The following MGA variants were observed in gnomAD, a reference collection of about 807,000 sequenced individuals.
The protein encoded by MGA is MAX gene-associated protein.
Under a neutral mutation model 261.1 loss-of-function variants are expected in MGA, and 40 were observed. That is an observed-to-expected ratio of 0.15 (90% confidence interval 0.12 to 0.20). The LOEUF is 0.20. MGA is among the 10% of genes least tolerant of loss of function. The probability of loss-of-function intolerance (pLI) is 1.00; values close to 1 mark genes in which losing one functional copy is unlikely to be tolerated. For synonymous variants in MGA, 1,302 were observed against 1,290.6 expected (o/e 1.01, Z -0.19); for missense variants, 3,397 against 3,630.5 (o/e 0.94, Z 1.65).
At position 41,764,179 on chromosome 15, in the gene MGA, A is replaced by G. The variant is rs79663555; in HGVS notation, c.7745-707A>G. On this transcript the variant is annotated intron_variant, in intron 22 of 23. Coordinates refer to ENST00000219905, the MANE Select transcript of MGA (RefSeq NM_001164273.2). Reference sequence around the variant, plus strand: ...ATCTCAAAAAAAATTAAAAAAAAAAATGGTATATTCTTTTTTACTCTTTAA... The same window carrying G: ...ATCTCAAAAAAAATTAAAAAAAAAAGTGGTATATTCTTTTTTACTCTTTAA... Among the ~76,000 whole-genome samples the G allele has an allele frequency of 8.6e-4, 130 of 151,724 alleles. 1 individual carries two copies. The highest frequency in any genetic ancestry group is 3.1e-3 in the African/African-American group (128 of 41,260).
chr15:41,685,111 T>C (rs1004547805), intron 2 of MGA, among the ~76,000 whole-genome samples: 2 of 152,224 alleles, frequency 1.3e-5, no homozygotes, highest in Admixed American at 6.5e-5. Context: ...CATTTAATTC[T>C]GTGATCTGTC....
chr15:41,656,343 C>CT (rs76277206), upstream of MGA, among the ~76,000 whole-genome samples: 2 of 37,598 alleles, frequency 5.3e-5, no homozygotes, highest in Non-Finnish European at 7.9e-5. Flanking sequence ...CCTCTCCTCT[C>CT]TTCTCTCTCT....
intron 7 of MGA, 41 bp downstream of exon 7, chr15:41,708,249 G>T: frequency 7.5e-7 from 1 of 1,340,304 alleles, no homozygotes; most frequent in Non-Finnish European, 1.0e-6. Context: ...TCTGAAACAT[G>T]TAGCCAGAAA....
chr15:41,643,287 C>T (rs974932897), intron 1 of MGA, among the ~76,000 whole-genome samples: 37 of 150,788 alleles, frequency 2.5e-4, no homozygotes, highest in Admixed American at 2.1e-3. Flanking sequence ...GTGGCCCAGG[C>T]TGTAGTGCAG....
chr15:41,720,100 A>T (rs1158517591), intron 9 of MGA, among the ~76,000 whole-genome samples: 1 of 152,224 alleles, frequency 6.6e-6, no homozygotes, highest in Non-Finnish European at 1.5e-5. Context: ...GGAAATGCGA[A>T]GAATCTAGAA....
At chr15:41,622,439 C>A (rs2056327247) in intron 1 of MGA, among the ~76,000 whole-genome samples, 1 of 152,134 alleles carries the variant, frequency 6.6e-6, no homozygotes, top group South Asian at 2.1e-4. Context: ...TCAATCATTA[C>A]AATGATGTGG....
chr15:41,718,166 G>A (rs910011614), intron 9 of MGA, among the ~76,000 whole-genome samples: 7 of 151,304 alleles, frequency 4.6e-5, no homozygotes, highest in Non-Finnish European at 8.8e-5. Context: ...GATTAAATGA[G>A]ATCATTTATG....
Position 41,769,877 on chromosome 15 carries a change from A to G in MGA, c.*2597A>G, listed in dbSNP as rs2063959736. 6.6e-6 allele frequency: 1 copy of G among 152,586 alleles called. No individual in the cohort carries two copies. Among genetic ancestry groups the G allele is most frequent in the South Asian group, 2.1e-4 (1 of 4,838 alleles). 9.5% of individuals were successfully genotyped at this position (152,586 alleles called of 1,614,324 possible). A position where few individuals can be genotyped will look rare whatever the true frequency, so the allele number is the denominator to read the frequency against. On this transcript the variant is annotated 3_prime_UTR_variant, in exon 24 of 24. Transcript: ENST00000219905. The stretch of plus-strand genomic sequence containing the variant: ...TATTTTTTTAGAAATCTAAGAACAG[A>G]AGTTTGGTGATTGAAAGGTAGAATA...
At chr15:41,747,684 C>T (rs961943768) in intron 15 of MGA, among the ~76,000 whole-genome samples, 7 of 151,914 alleles carry the variant, frequency 4.6e-5, no homozygotes, top group African/African-American at 1.5e-4. Flanking sequence ...TGACAGAGTG[C>T]GATGCTGTCT....
chr15:41,745,590 TA>T (rs146306440), intron 15 of MGA, among the ~76,000 whole-genome samples: 4,966 of 151,436 alleles, frequency 0.033, 134 homozygotes, highest in South Asian at 0.072. Flanking sequence ...TATTTTTATT[TA>T]AAAAAAATAT....
At chr15:41,672,744 A>G (rs1410128210) in intron 2 of MGA, among the ~76,000 whole-genome samples, 3 of 152,198 alleles carry the variant, frequency 2.0e-5, no homozygotes, top group Admixed American at 6.5e-5. Context: ...TATGTATACA[A>G]GAATATGTGA....
At position 41,672,222 on chromosome 15, in the gene MGA, C is replaced by T. The variant is rs546456336; in HGVS notation, c.1064+2264C>T. 1.1e-4 allele frequency among the ~76,000 whole-genome samples: 17 copies of T among 152,304 alleles called. 1 individual carries two copies. Among genetic ancestry groups the T allele is most frequent in the Admixed American group, 7.9e-4 (12 of 15,286 alleles). Reference sequence around the variant, plus strand: ...TAGAATGGGTGCAGTAGTGCATTCACGGCTCACTGCAGCCCTGACTTCCTG... The same window carrying T: ...TAGAATGGGTGCAGTAGTGCATTCATGGCTCACTGCAGCCCTGACTTCCTG... On this transcript the variant is annotated intron_variant, in intron 2 of 23. Transcript: ENST00000219905.
At position 41,766,837 on chromosome 15, in the gene MGA, C is replaced by T. The variant is rs1332595161; in HGVS notation, c.8755C>T (p.Pro2919Ser). The T allele has an allele frequency of 1.2e-6, 2 of 1,613,990 alleles. No individual in the cohort carries two copies. Among genetic ancestry groups the T allele is most frequent in the Non-Finnish European group, 8.5e-7 (1 of 1,179,898 alleles). ...TGAGAATGAAAAACAACTTGCAGAA[C>T]CAGCCTCTGAGCCAGATGTCCTTAA... The change falls in exon 24 of 24, where the codon CCA becomes TCA. Residue 2919 changes from proline to serine, a missense_variant. Physicochemically the swap from Pro to Ser is moderately conservative, Grantham distance 74. This residue lies in a region of MGA where 647 missense variants were observed against 642.4 expected (regional missense o/e 1.01). Coordinates refer to ENST00000219905, the MANE Select transcript of MGA (RefSeq NM_001164273.2).
chr15:41,745,065 G>GA (rs994307507), intron 15 of MGA, among the ~76,000 whole-genome samples: 1 of 151,992 alleles, frequency 6.6e-6, no homozygotes, highest in Non-Finnish European at 1.5e-5. Flanking sequence ...TTTTAGTAGA[G>GA]ACGGGGTTTC....
chr15:41,726,784 T>C (rs1211571007), intron 9 of MGA, among the ~76,000 whole-genome samples: 4 of 152,178 alleles, frequency 2.6e-5, no homozygotes, highest in East Asian at 3.9e-4. Context: ...CTAAATATAA[T>C]GGCAACTCTT....
intron 15 of MGA, 137 bp downstream of exon 15, chr15:41,743,309 AAACC>A (rs1242414919): frequency 3.6e-6 from 4 of 1,119,756 alleles, no homozygotes; most frequent in African/African-American, 3.2e-5. Flanking sequence ...GTATTCCTGA[AAACC>A]TCTGCATGCT....
At chr15:41,685,990 G>A (rs2058936264) in intron 2 of MGA, among the ~76,000 whole-genome samples, 1 of 141,184 alleles carries the variant, frequency 7.1e-6, no homozygotes. Flanking sequence ...GGGTGACAGA[G>A]TGAGACTCTG....
intron 18 of MGA, among the ~76,000 whole-genome samples, chr15:41,757,008 C>G (rs1431454084): frequency 6.6e-6 from 1 of 151,656 alleles, no homozygotes; most frequent in Non-Finnish European, 1.5e-5. Context: ...TCTAGTAAGA[C>G]TTACAAAAGT....
chr15:41,710,302 T>G (rs1288694788), intron 7 of MGA, among the ~76,000 whole-genome samples: 2 of 152,194 alleles, frequency 1.3e-5, no homozygotes, highest in Non-Finnish European at 2.9e-5. Context: ...GATTTTAATG[T>G]TTTTAGTGCC....
Sources: gnomAD v4.1 joint callset for allele counts (sites outside exome capture counted in the v4.1 genomes callset) on GRCh38, gnomAD v4.1.1 for gene constraint, gnomAD v4.1.1 regional missense constraint, MANE v1.5 for transcripts, NCBI Gene and HGNC (gene_info 2026-07-23, HGNC 2026-07-21) for gene names.